The following SH3PXD2B variants were observed in gnomAD, a reference collection of about 807,000 sequenced individuals.
The protein encoded by SH3PXD2B is SH3 and PX domains 2B, also known as SH3 and PX domain-containing protein 2B.
In SH3PXD2B, 37 loss-of-function variants were observed where a neutral mutation model predicts 73.1. The observed-to-expected ratio is 0.51, with a 90% CI of 0.39 to 0.67. SH3PXD2B has a LOEUF of 0.67. SH3PXD2B is among the 30% of genes least tolerant of loss of function. The pLI is 0.00. For synonymous variants in SH3PXD2B, 457 were observed against 480.5 expected (o/e 0.95, Z 0.64); for missense variants, 1,053 against 1,197.8 (o/e 0.88, Z 1.78).
chr5:172,377,131 G>A (rs1365242826), intron 5 of SH3PXD2B, among the ~76,000 whole-genome samples: 2 of 152,210 alleles, frequency 1.3e-5, no homozygotes, highest in Non-Finnish European at 2.9e-5. Context: ...GAGGAGTGGG[G>A]GCGGCAGGGG....
At chr5:172,443,545 A>T (rs1299473984) in intron 1 of SH3PXD2B, among the ~76,000 whole-genome samples, 1 of 152,198 alleles carries the variant, frequency 6.6e-6, no homozygotes, top group Non-Finnish European at 1.5e-5. Context: ...TCCTATGGAG[A>T]TGCATTCTGA....
intron 8 of SH3PXD2B, among the ~76,000 whole-genome samples, chr5:172,357,427 A>G (rs1422245055): frequency 6.6e-6 from 1 of 152,082 alleles, no homozygotes; most frequent in Non-Finnish European, 1.5e-5. Flanking sequence ...CTGTCTCAAA[A>G]AAAAAAAAGA....
chr5:172,394,788 C>T (rs1051280712), intron 3 of SH3PXD2B, 149 bp from the exon 4 acceptor site: 10 of 766,436 alleles, frequency 1.3e-5, no homozygotes, highest in Non-Finnish European at 2.2e-5. Flanking sequence ...ACTGGACTTC[C>T]GTGAGGCTTG....
chr5:172,394,805 C>A (rs935606398), intron 3 of SH3PXD2B, among the ~76,000 whole-genome samples, 166 bp from the exon 4 acceptor site: 1 of 152,136 alleles, frequency 6.6e-6, no homozygotes, highest in African/African-American at 2.4e-5. Flanking sequence ...CTTGGATAAG[C>A]CCATGTGAGG....
chr5:172,416,696 C>CTTTTTTTTTTT (rs202242720), intron 2 of SH3PXD2B, among the ~76,000 whole-genome samples: 1 of 62,250 alleles, frequency 1.6e-5, no homozygotes, highest in Non-Finnish European at 3.1e-5. Flanking sequence ...CTCTCTCTCT[C>CTTTTTTTTTTT]TTTTTTTTTT....
At chr5:172,375,681 G>A (rs1432543187) in intron 5 of SH3PXD2B, among the ~76,000 whole-genome samples, 1 of 152,130 alleles carries the variant, frequency 6.6e-6, no homozygotes, top group Non-Finnish European at 1.5e-5. Context: ...GTATGTATCA[G>A]CACTTCATTC....
At position 172,425,036 on chromosome 5, in the gene SH3PXD2B, C is replaced by T. The variant is rs984297766; in HGVS notation, c.76-2540G>A. On this transcript the variant is annotated intron_variant, in intron 1 of 12. Transcript: ENST00000311601. The stretch of plus-strand genomic sequence containing the variant: ...ACTCATGGAGCCAGGGAAGGGGCCA[C>T]GGCATCCTTTAGGAGGTAAGAGTCA... Among the ~76,000 whole-genome samples the T allele has an allele frequency of 1.4e-4, 21 of 152,222 alleles. 1 individual carries two copies. The highest frequency in any genetic ancestry group is 9.2e-4 in the Admixed American group (14 of 15,290).
intron 4 of SH3PXD2B, among the ~76,000 whole-genome samples, chr5:172,394,102 C>T (rs1758244934): frequency 6.6e-6 from 1 of 152,126 alleles, no homozygotes; most frequent in African/African-American, 2.4e-5. Flanking sequence ...TCCCACCACA[C>T]CTGGCTAATT....
At position 172,339,217 on chromosome 5, in the gene SH3PXD2B, T is replaced by C. The variant is rs552297069; in HGVS notation, c.1888A>G (p.Thr630Ala). The change falls in exon 13 of 13, where the codon ACT becomes GCT. Residue 630 changes from threonine (T) to alanine (A), a missense_variant. By Grantham distance (58) the Thr-to-Ala change is moderately conservative. Coordinates refer to ENST00000311601, the MANE Select transcript of SH3PXD2B (RefSeq NM_001017995.3). The surrounding 1 kb of genome is among the most constrained non-coding windows in gnomAD (Gnocchi z 6.1). Reference protein sequence around the residue: ...TDLPEEKPDATPQNPFLKSRP... With the variant: ...TDLPEEKPDAAPQNPFLKSRP... The stretch of plus-strand genomic sequence containing the variant: ...GACTTCAAGAAGGGATTCTGGGGAG[T>C]GGCATCTGGCTTCTCCTCTGGCAGG... The C allele has an allele frequency of 2.5e-6, 4 of 1,614,006 alleles. No homozygotes were observed. The highest frequency in any genetic ancestry group is 2.7e-5 in the African/African-American group (2 of 74,886).
chr5:172,430,877 T>C (rs564647732), intron 1 of SH3PXD2B, among the ~76,000 whole-genome samples: 1 of 152,238 alleles, frequency 6.6e-6, no homozygotes, highest in East Asian at 1.9e-4. Context: ...TCTTTTTTTT[T>C]TTCTTTTGAG....
chr5:172,409,028 C>T (rs1262057302), intron 2 of SH3PXD2B, among the ~76,000 whole-genome samples: 2 of 151,958 alleles, frequency 1.3e-5, no homozygotes, highest in African/African-American at 4.8e-5. Flanking sequence ...GTTTTCTTTC[C>T]AGCTATCTGA....
At chr5:172,382,638 T>A (rs1757975697) in intron 4 of SH3PXD2B, among the ~76,000 whole-genome samples, 1 of 152,154 alleles carries the variant, frequency 6.6e-6, no homozygotes, top group African/African-American at 2.4e-5. Context: ...TATGTCCATA[T>A]TTAGGCAAAA....
intron 6 of SH3PXD2B, among the ~76,000 whole-genome samples, chr5:172,364,827 T>A (rs537612841): frequency 6.6e-6 from 1 of 152,218 alleles, no homozygotes; most frequent in South Asian, 2.1e-4. Context: ...GGTGGGAGTA[T>A]TTACACCACA....
chr5:172,329,038 T>TATATAC (rs1756498624), downstream of SH3PXD2B, among the ~76,000 whole-genome samples: 1 of 129,544 alleles, frequency 7.7e-6, no homozygotes, highest in Non-Finnish European at 1.6e-5. Context: ...TATACGTATA[T>TATATAC]ATATGTATGT....
At chr5:172,363,867 A>G (rs1276743121) in intron 6 of SH3PXD2B, among the ~76,000 whole-genome samples, 1 of 152,218 alleles carries the variant, frequency 6.6e-6, no homozygotes, top group Admixed American at 6.5e-5. Context: ...AGGAATGACA[A>G]GAGTTACATC....
In SH3PXD2B at chr5:172,353,767, G is replaced by A. The variant is rs1258601703; in HGVS notation, c.785+121C>T. ...AGAAGTATCCTTTTATGGTTCAGGC[G>A]GAAACTTCGCCCAGATGCAATCACT... On this transcript the variant is annotated intron_variant, in intron 9 of 12. Transcript: ENST00000311601. This position sits in a 1 kb window ranked among gnomAD's most constrained non-coding sequence, Gnocchi z 4.3. The A allele has an allele frequency of 1.5e-5, 12 of 807,332 alleles. No individual in the cohort carries two copies. The highest frequency in any genetic ancestry group is 2.2e-5 in the Non-Finnish European group (10 of 453,020). The allele number at this position is 807,332 out of a possible 1,614,324, so 50.0% of individuals were successfully genotyped here.
intron 12 of SH3PXD2B, among the ~76,000 whole-genome samples, chr5:172,342,527 A>G (rs965512549): frequency 6.6e-6 from 1 of 152,160 alleles, no homozygotes; most frequent in South Asian, 2.1e-4. Flanking sequence ...TTGGGAGGCC[A>G]AGGCGGGCGG....
downstream of SH3PXD2B, among the ~76,000 whole-genome samples, chr5:172,332,353 A>G (rs1290361421): frequency 6.7e-6 from 1 of 149,884 alleles, no homozygotes; most frequent in Non-Finnish European, 1.5e-5. Flanking sequence ...TCCTGGGCTC[A>G]AGCAATCCTC....
At chr5:172,428,955 C>A (rs1759166194) in intron 1 of SH3PXD2B, among the ~76,000 whole-genome samples, 1 of 152,118 alleles carries the variant, frequency 6.6e-6, no homozygotes, top group Admixed American at 6.6e-5. Flanking sequence ...GGTTGGGTGC[C>A]CCTGCTATAG....
Sources: gnomAD v4.1 joint callset for allele counts (sites outside exome capture counted in the v4.1 genomes callset) on GRCh38, gnomAD v4.1.1 for gene constraint, Gnocchi (gnomAD v3.1) non-coding constraint, MANE v1.5 for transcripts, NCBI Gene and HGNC (gene_info 2026-07-23, HGNC 2026-07-21) for gene names.